USP9X: variants seen among roughly 807,000 people sequenced by gnomAD.
The protein encoded by USP9X is ubiquitin specific peptidase 9 X-linked.
Under a neutral mutation model 190.3 loss-of-function variants are expected in USP9X, and 7 were observed. The observed-to-expected ratio is 0.04, with a 90% CI of 0.02 to 0.07. The LOEUF is 0.07. Among genes scored for constraint, USP9X ranks in the 10% least tolerant of loss-of-function variants. The pLI is 1.00. For synonymous variants in USP9X, 645 were observed against 659.5 expected, an observed-to-expected ratio of 0.98 and a Z score of 0.34; for missense variants, 1,010 against 1,916.9, an observed-to-expected ratio of 0.53 and a Z score of 8.83.
chrX:41,189,857 C>T (rs2062915266), intron 26 of USP9X: 1 of 118,969 alleles, frequency 8.4e-6, no homozygotes, highest in South Asian at 3.5e-4. Context: ...ATTTGTAAGA[C>T]AGGGTCATTG....
rs1388762526 is a variant in USP9X, at chrX:41,211,988, A to G, written c.5189+1306A>G. ...CTCAACAGCTCATTGAGAACAGGCCATGATGACAATGGCGGTTTTGTGGAA... is the reference window on the plus strand; with the variant it reads ...CTCAACAGCTCATTGAGAACAGGCCGTGATGACAATGGCGGTTTTGTGGAA... On this transcript the variant is annotated intron_variant, in intron 33 of 44. Coordinates refer to ENST00000378308, the MANE Select transcript of USP9X (RefSeq NM_001039591.3). Among the ~76,000 whole-genome samples the G allele has an allele frequency of 3.5e-3, 400 of 113,855 alleles. 1 individual carries two copies. The highest frequency in any genetic ancestry group is 5.5e-3 in the Non-Finnish European group (290 of 53,209).
chrX:41,200,491 C>T (rs1397253940), intron 30 of USP9X, among the ~76,000 whole-genome samples: 1 of 111,517 alleles, frequency 9.0e-6, no homozygotes, highest in African/African-American at 3.3e-5. Context: ...GCTTGCTCCT[C>T]AAAATAGCAT....
At chrX:41,119,194 G>T (rs764612988) in intron 1 of USP9X, among the ~76,000 whole-genome samples, 1 of 111,270 alleles carries the variant, frequency 9.0e-6, no homozygotes, top group African/African-American at 3.3e-5. Context: ...ATGGAGCCAG[G>T]TGATGAGAGA....
intron 9 of USP9X, among the ~76,000 whole-genome samples, chrX:41,142,052 G>T (rs2062427453): frequency 9.0e-6 from 1 of 111,473 alleles, no homozygotes; most frequent in Admixed American, 9.5e-5. Flanking sequence ...TAGGAGAACT[G>T]TCCTTGCCCT....
At chrX:41,175,059 G>A (rs1042811855) in intron 21 of USP9X, among the ~76,000 whole-genome samples, 2 of 111,921 alleles carry the variant, frequency 1.8e-5, no homozygotes, top group Admixed American at 9.4e-5. Flanking sequence ...TTATTCATTC[G>A]TTTATATCTG....
intron 11 of USP9X, among the ~76,000 whole-genome samples, chrX:41,147,776 T>G (rs1159916476): frequency 8.9e-6 from 1 of 112,278 alleles, no homozygotes; most frequent in Non-Finnish European, 1.9e-5. Context: ...TTCTGCTGTT[T>G]GACGTTAAGT....
chrX:41,183,933 AT>A, intron 21 of USP9X, 64 bp from the exon 22 acceptor site: 3 of 1,129,015 alleles, frequency 2.7e-6, no homozygotes, highest in Non-Finnish European at 3.5e-6. Context: ...TCTTCAAGAT[AT>A]CAAAAGTTAA....
intron 1 of USP9X, 56 bp from the exon 2 acceptor site, chrX:41,123,415 A>C: frequency 2.5e-6 from 1 of 395,941 alleles, no homozygotes; most frequent in Non-Finnish European, 4.4e-6. Context: ...GAACAGTTCC[A>C]TAATTCATGT....
rs886226594 is a variant in USP9X at position 41,217,441 on chromosome X, G to T, written c.6209+98G>T. On this transcript the variant is annotated intron_variant, in intron 36 of 44. Transcript: ENST00000378308. ...TTTCTAAACCAAGAGAATTTTGTTT[G>T]AAGTTTGGAATATAGAATAAAAACT... The T allele has an allele frequency of 9.3e-6, 9 of 971,068 alleles. No individual in the cohort carries two copies. In the African/African-American group the frequency reaches 1.4e-4, roughly 15 times the overall value. The allele number at this position is 971,068 out of a possible 1,213,427, so 80.0% of individuals were successfully genotyped here.
In USP9X at chrX:41,210,539, A is replaced by G; in HGVS notation, c.5046A>G (p.Glu1682=). ...RLWGEPVNLR[E]QHDALEFFNS... ...GGGGTGAGCCTGTTAATCTGCGTGA[A>G]CAACACGATGCTTTAGAATTTTTTA... Residue 1682 remains glutamate, a synonymous_variant, in exon 33 of 45, where the codon GAA becomes GAG. Transcript: ENST00000378308. 1 of 1,211,416 alleles carries G rather than the reference A, an allele frequency of 8.3e-7. No homozygotes were observed. The highest frequency in any genetic ancestry group is 1.1e-6 in the Non-Finnish European group (1 of 895,467).
intron 21 of USP9X, among the ~76,000 whole-genome samples, chrX:41,173,545 T>C (rs888070238): frequency 2.7e-5 from 3 of 112,000 alleles, no homozygotes; most frequent in African/African-American, 9.7e-5. Context: ...CCAAATACTT[T>C]CCCTACAAAC....
At chrX:41,117,349 CT>C (rs1410270081) in intron 1 of USP9X, among the ~76,000 whole-genome samples, 1 of 111,272 alleles carries the variant, frequency 9.0e-6, no homozygotes, top group Non-Finnish European at 1.9e-5. Flanking sequence ...TATACCATGA[CT>C]TTTGCCAGAT....
intron 1 of USP9X, among the ~76,000 whole-genome samples, chrX:41,088,859 G>A (rs1417740865): frequency 9.0e-6 from 1 of 111,219 alleles, no homozygotes; most frequent in Non-Finnish European, 1.9e-5. Context: ...GTATTGCTAA[G>A]TTCTTGTATT....
Position 41,225,389 on chromosome X carries a change from G to A in USP9X, c.7061+252G>A, listed in dbSNP as rs59096340. On this transcript the variant is annotated intron_variant, in intron 41 of 44. Coordinates refer to ENST00000378308, the MANE Select transcript of USP9X (RefSeq NM_001039591.3). ...TCTTTAGAATGACTTTTTTAATTAAGGAGGAGCTAGCTTGGGCATTTGGTA... is the reference window on the plus strand; with the variant it reads ...TCTTTAGAATGACTTTTTTAATTAAAGAGGAGCTAGCTTGGGCATTTGGTA... Among the ~76,000 whole-genome samples, 15,480 of 111,196 alleles carry A rather than the reference G, an allele frequency of 0.14. 977 individuals are homozygous for A. Among genetic ancestry groups the A allele is most frequent in the East Asian group, 0.22 (777 of 3,547 alleles).
chrX:41,124,983 C>T (rs776497529), intron 2 of USP9X, among the ~76,000 whole-genome samples: 6 of 112,092 alleles, frequency 5.4e-5, no homozygotes, highest in African/African-American at 1.3e-4. Context: ...TGAATTTATG[C>T]GAAGTTTATT....
At chrX:41,119,629 G>A (rs757526618) in intron 1 of USP9X, among the ~76,000 whole-genome samples, 2 of 112,084 alleles carry the variant, frequency 1.8e-5, no homozygotes, top group African/African-American at 6.5e-5. Context: ...CAAGAATAAA[G>A]TTGAATTGGT....
chrX:41,133,742 C>T (rs1214506093), intron 4 of USP9X, among the ~76,000 whole-genome samples: 1 of 111,801 alleles, frequency 8.9e-6, no homozygotes, highest in African/African-American at 3.3e-5. Context: ...ACCTTTTGTT[C>T]CATCCATGTT....
At chrX:41,177,093 C>T (rs2062780991) in intron 21 of USP9X, among the ~76,000 whole-genome samples, 1 of 112,031 alleles carries the variant, frequency 8.9e-6, no homozygotes, top group Non-Finnish European at 1.9e-5. Context: ...CTTTTTCTTC[C>T]TAAATAGCTT....
At chrX:41,223,165 CTCA>C in intron 38 of USP9X, 49 bp from the exon 39 acceptor site, 1 of 1,122,208 alleles carries the variant, frequency 8.9e-7, no homozygotes, top group Non-Finnish European at 1.2e-6. Context: ...TAATTTTTTC[CTCA>C]TATTTTTCTC....
Sources: allele counts gnomAD v4.1 joint callset (sites outside exome capture counted in the v4.1 genomes callset), GRCh38; gene constraint gnomAD v4.1.1; transcripts MANE v1.5; gene names NCBI Gene and HGNC (gene_info 2026-07-23, HGNC 2026-07-21).